The following RIN2 variants were observed in gnomAD, a reference collection of about 807,000 sequenced individuals.
The protein encoded by RIN2 is RAB5 interacting protein 2.
Under a neutral mutation model 78.0 loss-of-function variants are expected in RIN2, and 36 were observed. The ratio of observed to expected loss-of-function variants is 0.46; its 90% CI spans 0.35 to 0.61. RIN2 has a LOEUF of 0.61. Among genes scored for constraint, RIN2 ranks in the 20% least tolerant of loss-of-function variants. The pLI is 0.00. For synonymous variants in RIN2, 466 were observed against 466.8 expected (o/e 1.00, Z 0.02); for missense variants, 1,087 against 1,159.7 (o/e 0.94, Z 0.91).
chr20:19,788,707 A>C (rs1464540498), intron 1 of RIN2, among the ~76,000 whole-genome samples: 1 of 152,184 alleles, frequency 6.6e-6, no homozygotes, highest in Non-Finnish European at 1.5e-5. Context: ...TACAAAAAAA[A>C]CCTTAACAAT....
chr20:19,794,916 T>A (rs1052177356), intron 1 of RIN2, among the ~76,000 whole-genome samples: 1 of 152,218 alleles, frequency 6.6e-6, no homozygotes, highest in African/African-American at 2.4e-5. Context: ...TAAATTAAAA[T>A]TTAAGACAAT....
chr20:19,889,274 C>A, intron 2 of RIN2: 1 of 1,088,982 alleles, frequency 9.2e-7, no homozygotes, highest in Non-Finnish European at 1.1e-6. Context: ...GTTCACATTT[C>A]AGCAGGAGGT....
chr20:19,936,192 T>C (rs1007505824), intron 4 of RIN2, among the ~76,000 whole-genome samples: 1 of 152,198 alleles, frequency 6.6e-6, no homozygotes, highest in East Asian at 1.9e-4. Flanking sequence ...CCCTTAATTC[T>C]CTGTGCCTTC....
At chr20:19,938,602 CTG>C (rs1467620563) in intron 4 of RIN2, among the ~76,000 whole-genome samples, 1 of 152,194 alleles carries the variant, frequency 6.6e-6, no homozygotes, top group African/African-American at 2.4e-5. Flanking sequence ...TAAAAAATAT[CTG>C]TGCCTCAGTG....
chr20:19,948,957 T>C (rs974464313), intron 4 of RIN2, among the ~76,000 whole-genome samples: 2 of 151,594 alleles, frequency 1.3e-5, no homozygotes, highest in African/African-American at 4.9e-5. Context: ...TACAGGCCAC[T>C]GCACCAGGCC....
chr20:19,827,683 T>A (rs2036134788), intron 2 of RIN2, among the ~76,000 whole-genome samples: 1 of 152,184 alleles, frequency 6.6e-6, no homozygotes, highest in Admixed American at 6.5e-5. Flanking sequence ...CCAAATTGAC[T>A]TCAGGATCCA....
chr20:19,766,306 T>C (rs2033882072), intron 1 of RIN2, among the ~76,000 whole-genome samples: 1 of 152,226 alleles, frequency 6.6e-6, no homozygotes, highest in South Asian at 2.1e-4. Context: ...ACCACATATA[T>C]GATCTAAATA....
At chr20:19,833,056 C>G (rs2036296378) in intron 2 of RIN2, among the ~76,000 whole-genome samples, 1 of 152,150 alleles carries the variant, frequency 6.6e-6, no homozygotes, top group Non-Finnish European at 1.5e-5. Context: ...TGTTCCTCCC[C>G]ACGGAAACCA....
rs188333282 is a variant in RIN2, at chr20:19,917,680, G to A, written c.58-17419G>A. Among the ~76,000 whole-genome samples the A allele has an allele frequency of 6.2e-4, 94 of 152,194 alleles. 1 individual carries two copies. Among genetic ancestry groups the A allele is most frequent in the African/African-American group, 2.3e-3 (94 of 41,506 alleles). ...AGAGAACACATACTTTTCACAACTT[G>A]TTTATTTCCACTTAATAACATATCA... On this transcript the variant is annotated intron_variant, in intron 3 of 12. Transcript: ENST00000255006.
intron 1 of RIN2, among the ~76,000 whole-genome samples, chr20:19,793,310 A>G (rs1487705429): frequency 6.6e-6 from 1 of 152,236 alleles, no homozygotes; most frequent in Non-Finnish European, 1.5e-5. Context: ...TTCTACTTAC[A>G]AAGCATTCCT....
At chr20:19,771,073 C>T (rs1352791597) in intron 1 of RIN2, among the ~76,000 whole-genome samples, 3 of 152,192 alleles carry the variant, frequency 2.0e-5, no homozygotes, top group Admixed American at 2.0e-4. Context: ...TGAAGAGAAG[C>T]ACAGGGGGAG....
At chr20:19,971,577 T>A (rs1212691106) in intron 8 of RIN2, among the ~76,000 whole-genome samples, 1 of 152,112 alleles carries the variant, frequency 6.6e-6, no homozygotes, top group African/African-American at 2.4e-5. Flanking sequence ...CTTCACTCAC[T>A]GTGATACTTG....
intron 4 of RIN2, among the ~76,000 whole-genome samples, chr20:19,955,206 G>A (rs1475796500): frequency 2.0e-5 from 3 of 152,132 alleles, no homozygotes; most frequent in Non-Finnish European, 4.4e-5. Context: ...GAGTCATTCA[G>A]TATGTGGCCT....
chr20:19,928,849 C>G (rs1489271265), intron 3 of RIN2, among the ~76,000 whole-genome samples: 1 of 152,190 alleles, frequency 6.6e-6, no homozygotes. Flanking sequence ...CCACTCTCTC[C>G]CAGCTTCTAA....
At chr20:19,974,602 G>T in intron 8 of RIN2, 52 bp from the exon 9 acceptor site, 1 of 1,546,198 alleles carries the variant, frequency 6.5e-7, no homozygotes, top group Non-Finnish European at 8.8e-7. Context: ...GTGAAGGAAT[G>T]GTCTGAGTGT....
chr20:19,815,166 C>T (rs2035725025), intron 2 of RIN2, among the ~76,000 whole-genome samples: 1 of 152,064 alleles, frequency 6.6e-6, no homozygotes, highest in African/African-American at 2.4e-5. Context: ...TTTTAAATTG[C>T]TTGTTGAGTC....
intron 2 of RIN2, among the ~76,000 whole-genome samples, chr20:19,854,147 C>T (rs1865462343): frequency 2.0e-5 from 3 of 152,138 alleles, no homozygotes; most frequent in African/African-American, 7.2e-5. Context: ...ATCCTTTCCC[C>T]ATTTCTTGTT....
chr20:19,985,089 C>T (rs999100519), intron 9 of RIN2, among the ~76,000 whole-genome samples: 1 of 152,204 alleles, frequency 6.6e-6, no homozygotes, highest in Admixed American at 6.5e-5. Flanking sequence ...CAGTCTTCAG[C>T]TTTGCCTCTC....
chr20:19,863,809 C>T (rs1040446340), intron 2 of RIN2, among the ~76,000 whole-genome samples: 1 of 152,128 alleles, frequency 6.6e-6, no homozygotes, highest in Non-Finnish European at 1.5e-5. Context: ...TGTTATAAAA[C>T]TGCGGTTCAT....
Sources: allele counts gnomAD v4.1 joint callset (sites outside exome capture counted in the v4.1 genomes callset), GRCh38; gene constraint gnomAD v4.1.1; transcripts MANE v1.5; gene names NCBI Gene and HGNC (gene_info 2026-07-23, HGNC 2026-07-21).